Variants in SASH1 observed in about 807,000 individuals in gnomAD.
SASH1 encodes the protein SAM and SH3 domain-containing protein 1.
In SASH1, 44 loss-of-function variants were observed where a neutral mutation model predicts 125.2. That is an observed-to-expected ratio of 0.35 (90% CI 0.28 to 0.45). SASH1 has a LOEUF of 0.45. Ranked by LOEUF, SASH1 falls within the 20% of genes least tolerant of loss-of-function variation. The probability of loss-of-function intolerance (pLI) is 1.00; values close to 1 mark genes in which losing one functional copy is unlikely to be tolerated. For missense variants in SASH1, 1,426 were observed against 1,614.5 expected (o/e 0.88, Z 2.00); for synonymous variants, 639 against 649.1 (o/e 0.98, Z 0.24).
Position 148,343,009 on chromosome 6 carries a change from G to T in SASH1, c.-59G>T, listed in dbSNP as rs866996384. On this transcript the variant is annotated 5_prime_UTR_variant, in exon 1 of 20. Coordinates refer to ENST00000367467, the MANE Select transcript of SASH1 (RefSeq NM_015278.5). Reference sequence around the variant, plus strand: ...CCGGCATCCGGGCAGGCTGCGCGCGGGTGCGGGGCGAGGGCGCCGCGGGGA... The same window carrying T: ...CCGGCATCCGGGCAGGCTGCGCGCGTGTGCGGGGCGAGGGCGCCGCGGGGA... 8.9e-7 allele frequency: 1 copy of T among 1,119,210 alleles called. No individual in the cohort carries two copies. The highest frequency in any genetic ancestry group is 1.7e-5 in the African/African-American group (1 of 60,380). The allele number at this position is 1,119,210 out of a possible 1,614,324, so 69.3% of individuals were successfully genotyped here.
the SASH1 span, among the ~76,000 whole-genome samples, chr6:148,259,978 T>G: frequency 1.3e-5 from 2 of 152,260 alleles, no homozygotes; most frequent in East Asian, 3.9e-4. Context: ...TTCGAACTCG[T>G]AGACTTAAGT....
In SASH1 at chr6:148,548,759, C is replaced by T. The variant is rs551022777; in HGVS notation, c.*201C>T. On this transcript the variant is annotated 3_prime_UTR_variant, in exon 20 of 20. Coordinates refer to ENST00000367467, the MANE Select transcript of SASH1 (RefSeq NM_015278.5). The stretch of plus-strand genomic sequence containing the variant: ...GCCCCCTCGAGGAAATAAATTAGTG[C>T]GGTTCTCTTTGACCCCCAAAGACAA... 3.1e-4 allele frequency: 168 copies of T among 535,746 alleles called. 1 individual carries two copies. In the South Asian group the frequency reaches 4.8e-3, roughly 15 times the overall value. The allele number at this position is 535,746 out of a possible 1,614,324, so 33.2% of individuals were successfully genotyped here.
chr6:148,412,660 A>C (rs1784674326), intron 2 of SASH1, among the ~76,000 whole-genome samples: 1 of 152,154 alleles, frequency 6.6e-6, no homozygotes, highest in South Asian at 2.1e-4. Flanking sequence ...CTGGTGAACG[A>C]ATAGAGCAAG....
At chr6:148,459,032 A>G (rs970724653) in intron 4 of SASH1, among the ~76,000 whole-genome samples, 4 of 150,842 alleles carry the variant, frequency 2.7e-5, no homozygotes, top group Non-Finnish European at 2.9e-5. Flanking sequence ...ACCCTCTAGC[A>G]TATGTCACGG....
intron 2 of SASH1, among the ~76,000 whole-genome samples, chr6:148,390,644 C>A (rs1337947088): frequency 6.6e-6 from 1 of 152,028 alleles, no homozygotes; most frequent in East Asian, 1.9e-4. Flanking sequence ...AAAAATTAGC[C>A]GGGCGTGGTG....
intron 2 of SASH1, among the ~76,000 whole-genome samples, chr6:148,408,363 C>T (rs902335446): frequency 6.6e-6 from 1 of 152,010 alleles, no homozygotes; most frequent in Non-Finnish European, 1.5e-5. Context: ...GCCTCAGCCT[C>T]CCAGAGTGCT....
At chr6:148,501,264 A>C (rs768203654) in intron 8 of SASH1, among the ~76,000 whole-genome samples, 1 of 152,132 alleles carries the variant, frequency 6.6e-6, no homozygotes, top group African/African-American at 2.4e-5. Flanking sequence ...TGCCTGATAC[A>C]TGAGTCATTC....
intron 8 of SASH1, among the ~76,000 whole-genome samples, chr6:148,498,999 G>A (rs1779440280): frequency 6.7e-6 from 1 of 149,430 alleles, no homozygotes; most frequent in Non-Finnish European, 1.5e-5. Context: ...CCCTTCACTT[G>A]TTTTGAGTCC....
chr6:148,394,793 T>C (rs539012454), intron 2 of SASH1, among the ~76,000 whole-genome samples: 2 of 152,148 alleles, frequency 1.3e-5, no homozygotes, highest in Non-Finnish European at 1.5e-5. Context: ...TACAGGTGTG[T>C]ACCACCCCTC....
In SASH1 at chr6:148,544,827, G is replaced by A; in HGVS notation, c.3348+9G>A. 6.4e-7 allele frequency: 1 copy of A among 1,562,444 alleles called. No individual in the cohort carries two copies. The highest frequency in any genetic ancestry group is 8.7e-7 in the Non-Finnish European group (1 of 1,152,582). On this transcript the variant is annotated intron_variant, in intron 18 of 19. Coordinates refer to ENST00000367467, the MANE Select transcript of SASH1 (RefSeq NM_015278.5). This position sits in a 1 kb window ranked among gnomAD's most constrained non-coding sequence, Gnocchi z 6.4. ...AGCCGTATTCTGATAAGGTATCAAA[G>A]GTCCTGGGCCCACCACGTTCACAGG...
intron 1 of SASH1, among the ~76,000 whole-genome samples, chr6:148,285,429 A>G (rs1779456821): frequency 6.6e-6 from 1 of 152,344 alleles, no homozygotes; most frequent in Admixed American, 6.5e-5. Flanking sequence ...ACATTACTTT[A>G]CAGAGTAGCC....
At chr6:148,390,096 G>A in intron 1 of SASH1, 38 bp from the exon 2 acceptor site, 1 of 1,609,606 alleles carries the variant, frequency 6.2e-7, no homozygotes. Context: ...TTTCCAGGGT[G>A]GACTGACCTG....
At chr6:148,264,574 G>A in the SASH1 span, among the ~76,000 whole-genome samples, 8 of 152,238 alleles carry the variant, frequency 5.3e-5, no homozygotes, top group African/African-American at 1.7e-4. Flanking sequence ...TATACAACCC[G>A]GCCTCTCAAG....
At chr6:148,298,813 AG>A (rs1248050304) in intron 1 of SASH1, among the ~76,000 whole-genome samples, 24 of 133,362 alleles carry the variant, frequency 1.8e-4, no homozygotes, top group South Asian at 7.6e-4. Context: ...GAAAGAAAAA[AG>A]AGAGGGAGGG....
chr6:148,440,115 T>C (rs558514744), intron 2 of SASH1, 69 bp from the exon 3 acceptor site: 2 of 1,437,796 alleles, frequency 1.4e-6, no homozygotes, highest in East Asian at 2.3e-5. Flanking sequence ...TCTTCTTACA[T>C]GTCTATTTGT....
chr6:148,532,649 C>A lies in SASH1; in HGVS notation c.1565-148C>A. 1 of 869,390 alleles carries A rather than the reference C, an allele frequency of 1.2e-6. No homozygotes were observed. The highest frequency in any genetic ancestry group is 1.8e-6 in the Non-Finnish European group (1 of 560,168). The allele number at this position is 869,390 out of a possible 1,614,324, so 53.9% of individuals were successfully genotyped here. A position where few individuals can be genotyped will look rare whatever the true frequency, so the allele number is the denominator to read the frequency against. On this transcript the variant is annotated intron_variant, in intron 13 of 19. Coordinates refer to ENST00000367467, the MANE Select transcript of SASH1 (RefSeq NM_015278.5). This position sits in a 1 kb window ranked among gnomAD's most constrained non-coding sequence, Gnocchi z 4.7. The stretch of plus-strand genomic sequence containing the variant: ...AGCACTCGGAGAATTCATAACTGGG[C>A]CCTGCCCTGGTCCTGACAGAGGGTT...
intron 2 of SASH1, among the ~76,000 whole-genome samples, chr6:148,425,131 T>A (rs1462776422): frequency 6.6e-6 from 1 of 152,132 alleles, no homozygotes; most frequent in Non-Finnish European, 1.5e-5. Flanking sequence ...GCTTCAGGCA[T>A]GGAGTCCAAG....
At chr6:148,534,986 C>T (rs1263240996) in intron 16 of SASH1, 85 bp downstream of exon 16, 1 of 1,363,342 alleles carries the variant, frequency 7.3e-7, no homozygotes, top group Non-Finnish European at 1.0e-6. Context: ...GCTTAGGTCC[C>T]TGGAGTCACT....
intron 1 of SASH1, among the ~76,000 whole-genome samples, chr6:148,388,791 G>A (rs1169222582): frequency 6.6e-6 from 1 of 152,254 alleles, no homozygotes; most frequent in African/African-American, 2.4e-5. Context: ...TGTTAGGCGT[G>A]TGTTGCTATG....
Sources: allele counts gnomAD v4.1 joint callset (sites outside exome capture counted in the v4.1 genomes callset), GRCh38; gene constraint gnomAD v4.1.1; non-coding constraint Gnocchi (gnomAD v3.1); transcripts MANE v1.5; gene names NCBI Gene and HGNC (gene_info 2026-07-23, HGNC 2026-07-21).